Variants in NDC1 observed in about 807,000 individuals in gnomAD.
NDC1 encodes nucleoporin NDC1.
In NDC1, 24 loss-of-function variants were observed where a neutral mutation model predicts 89.8. That is an observed-to-expected ratio of 0.27 (90% confidence interval 0.19 to 0.38). The LOEUF (loss-of-function observed/expected upper bound fraction) is 0.38, where lower values mean the gene tolerates loss of function less well. Ranked by LOEUF, NDC1 falls within the 10% of genes least tolerant of loss-of-function variation. NDC1 has a pLI of 1.00. For synonymous variants in NDC1, 296 were observed against 284.8 expected, an observed-to-expected ratio of 1.04 and a Z score of -0.39; for missense variants, 728 against 797.6, an observed-to-expected ratio of 0.91 and a Z score of 1.05.
At chr1:53,814,593 G>A (rs1648418107) in intron 6 of NDC1, among the ~76,000 whole-genome samples, 1 of 151,944 alleles carries the variant, frequency 6.6e-6, no homozygotes, top group Admixed American at 6.6e-5. Context: ...AAATAACTGA[G>A]ATCAGAGCAG....
At chr1:53,814,295 C>T (rs1436427051) in intron 6 of NDC1, among the ~76,000 whole-genome samples, 1 of 152,112 alleles carries the variant, frequency 6.6e-6, no homozygotes, top group East Asian at 1.9e-4. Flanking sequence ...GTGGAGCTTG[C>T]AGTGAGTCAA....
intron 16 of NDC1, among the ~76,000 whole-genome samples, chr1:53,785,296 C>A (rs113350446): frequency 4.6e-5 from 7 of 152,166 alleles, no homozygotes; most frequent in African/African-American, 1.7e-4. Flanking sequence ...AAGATATGCC[C>A]AAATCATGGT....
At chr1:53,782,570 C>T (rs911562967) in intron 16 of NDC1, among the ~76,000 whole-genome samples, 1 of 152,218 alleles carries the variant, frequency 6.6e-6, no homozygotes, top group African/African-American at 2.4e-5. Flanking sequence ...ATCAAAGAAA[C>T]TGTACAGAAG....
intron 6 of NDC1, among the ~76,000 whole-genome samples, chr1:53,813,711 A>G (rs148092181): frequency 5.9e-5 from 9 of 152,262 alleles, no homozygotes; most frequent in Non-Finnish European, 1.2e-4. Context: ...ACGACACTAG[A>G]TAGGTTATGA....
intron 4 of NDC1, 27 bp from the exon 5 acceptor site, chr1:53,825,963 T>C: frequency 6.2e-7 from 1 of 1,608,268 alleles, no homozygotes; most frequent in Non-Finnish European, 8.5e-7. Context: ...AAGTTATTAA[T>C]TCAACAGTCA....
At chr1:53,827,052 T>C (rs964735252) in intron 4 of NDC1, among the ~76,000 whole-genome samples, 3 of 152,276 alleles carry the variant, frequency 2.0e-5, no homozygotes, top group South Asian at 2.1e-4. Flanking sequence ...TTTTTCATAG[T>C]AGTCCTGTAC....
chr1:53,804,255 G>C (rs1410067025), intron 9 of NDC1, among the ~76,000 whole-genome samples: 1 of 152,058 alleles, frequency 6.6e-6, no homozygotes, highest in Non-Finnish European at 1.5e-5. Flanking sequence ...TATATCTGCG[G>C]TGGGAAATTG....
intron 3 of NDC1, among the ~76,000 whole-genome samples, chr1:53,829,481 C>T (rs142224969): frequency 2.0e-4 from 30 of 152,190 alleles, no homozygotes; most frequent in African/African-American, 6.5e-4. Flanking sequence ...CCTCAAGTTC[C>T]CCCATGCTGG....
Position 53,765,769 on chromosome 1 carries a change from C to T in NDC1, c.*2201G>A, listed in dbSNP as rs561574862. ...ACCATCATGTTTTTATACTAACAGCCGAGAAAGGCTTTTAAAGAACACTCT... is the reference window on the plus strand; with the variant it reads ...ACCATCATGTTTTTATACTAACAGCTGAGAAAGGCTTTTAAAGAACACTCT... On this transcript the variant is annotated 3_prime_UTR_variant, in exon 18 of 18. Coordinates refer to ENST00000371429, the MANE Select transcript of NDC1 (RefSeq NM_018087.5). The T allele has an allele frequency of 3.3e-5, 5 of 152,178 alleles. No homozygotes were observed. The highest frequency in any genetic ancestry group is 2.1e-4 in the South Asian group (1 of 4,816). 9.4% of individuals were successfully genotyped at this position (152,178 alleles called of 1,614,324 possible).
At position 53,811,840 on chromosome 1, in the gene NDC1, C is replaced by T. The variant is rs556968781; in HGVS notation, c.704-2094G>A. ...CATTAAACCACCAAAGCTAAGAACCCTCATGGAGTCCACTGCACCCCCTCA... is the reference window on the plus strand; with the variant it reads ...CATTAAACCACCAAAGCTAAGAACCTTCATGGAGTCCACTGCACCCCCTCA... On this transcript the variant is annotated intron_variant, in intron 6 of 17. Coordinates refer to ENST00000371429, the MANE Select transcript of NDC1 (RefSeq NM_018087.5). Among the ~76,000 whole-genome samples the T allele has an allele frequency of 3.3e-5, 5 of 152,204 alleles. No individual in the cohort carries two copies. The South Asian group carries it at 1.0e-3, about 32-fold the overall frequency.
chr1:53,815,457 G>A (rs965557803), intron 6 of NDC1, among the ~76,000 whole-genome samples: 3 of 152,144 alleles, frequency 2.0e-5, no homozygotes, highest in African/African-American at 7.2e-5. Context: ...ATAACTTAAT[G>A]TAATAAAAGC....
At chr1:53,826,486 C>T (rs1648868558) in intron 4 of NDC1, among the ~76,000 whole-genome samples, 1 of 152,148 alleles carries the variant, frequency 6.6e-6, no homozygotes. Context: ...GGCTATGGGA[C>T]TTATCATCTG....
chr1:53,814,349 C>T (rs996291549), intron 6 of NDC1, among the ~76,000 whole-genome samples: 15 of 151,424 alleles, frequency 9.9e-5, no homozygotes, highest in East Asian at 1.9e-4. Context: ...AGCAAGACTC[C>T]GTCTCAAAAA....
rs539975289 is a variant in NDC1 at position 53,769,708 on chromosome 1, G to A, written c.1962-1675C>T. Among the ~76,000 whole-genome samples, 32 of 152,304 alleles carry A rather than the reference G, an allele frequency of 2.1e-4. No homozygotes were observed. In the South Asian group the frequency reaches 6.4e-3, roughly 31 times the overall value. ...ATTATACAATAAGTATCATGATAAT[G>A]TAGACTGCACAGTGGGCTTTACCTA... On this transcript the variant is annotated intron_variant, in intron 17 of 17. Coordinates refer to ENST00000371429, the MANE Select transcript of NDC1 (RefSeq NM_018087.5).
At chr1:53,795,804 A>G (rs2100649637) in intron 13 of NDC1, among the ~76,000 whole-genome samples, 1 of 152,248 alleles carries the variant, frequency 6.6e-6, no homozygotes, top group South Asian at 2.1e-4. Flanking sequence ...CAGCCCCTAG[A>G]GCAGCACTTT....
At position 53,767,229 on chromosome 1, in the gene NDC1, A is replaced by G. The variant is rs1304446887; in HGVS notation, c.*741T>C. On this transcript the variant is annotated 3_prime_UTR_variant, in exon 18 of 18. Coordinates refer to ENST00000371429, the MANE Select transcript of NDC1 (RefSeq NM_018087.5). ...AGCAAAACTAGCTGGGAAAATACCC[A>G]TACATTAATACTTCGTGTTTACTAG... 2.0e-5 allele frequency: 3 copies of G among 152,216 alleles called. No individual in the cohort carries two copies. The highest frequency in any genetic ancestry group is 4.4e-5 in the Non-Finnish European group (3 of 68,022). The allele number at this position is 152,216 out of a possible 1,614,324, so 9.4% of individuals were successfully genotyped here.
chr1:53,812,400 G>A (rs113448808), intron 6 of NDC1, among the ~76,000 whole-genome samples: 2,824 of 152,200 alleles, frequency 0.019, 91 homozygotes, highest in African/African-American at 0.065. Flanking sequence ...CATAGAAATA[G>A]ATAGCTTAAA....
intron 14 of NDC1, 98 bp from the exon 15 acceptor site, chr1:53,789,294 C>T (rs1647408022): frequency 1.5e-6 from 1 of 658,456 alleles, no homozygotes; most frequent in African/African-American, 1.9e-5. Context: ...AAAAAATTCA[C>T]AGCTGCCTCT....
At chr1:53,770,180 T>C (rs980304469) in intron 17 of NDC1, among the ~76,000 whole-genome samples, 24 of 152,312 alleles carry the variant, frequency 1.6e-4, no homozygotes, top group Admixed American at 3.9e-4. Flanking sequence ...TTCTCACAAT[T>C]TTTATTTTAT....
Sources: allele counts gnomAD v4.1 joint callset (sites outside exome capture counted in the v4.1 genomes callset), GRCh38; gene constraint gnomAD v4.1.1; transcripts MANE v1.5; gene names NCBI Gene and HGNC (gene_info 2026-07-23, HGNC 2026-07-21).